PDS5A: variants seen among roughly 807,000 people sequenced by gnomAD.
PDS5A encodes the protein PDS5 cohesin associated factor A, also known as sister chromatid cohesion protein PDS5 homolog A.
PDS5A carries 42 observed loss-of-function variants against 167.1 expected under a neutral mutation model. The observed-to-expected ratio is 0.25, with a 90% CI of 0.20 to 0.33. The LOEUF is 0.33. PDS5A is among the 10% of genes least tolerant of loss of function. The pLI is 1.00. For missense variants in PDS5A, 1,033 were observed against 1,605.9 expected, an observed-to-expected ratio of 0.64 and a Z score of 6.10; for synonymous variants, 553 against 554.6, an observed-to-expected ratio of 1.00 and a Z score of 0.04.
intron 8 of PDS5A, among the ~76,000 whole-genome samples, chr4:39,915,834 C>G (rs890765423): frequency 5.3e-5 from 8 of 152,152 alleles, no homozygotes; most frequent in African/African-American, 1.9e-4. Context: ...TAGCAAGTAA[C>G]TGTTTTAGTA....
At chr4:39,850,626 C>T (rs772167240) in intron 26 of PDS5A, among the ~76,000 whole-genome samples, 4 of 152,086 alleles carry the variant, frequency 2.6e-5, no homozygotes, top group African/African-American at 4.8e-5. Context: ...GCAGTTCTGC[C>T]GAGAAACAAG....
chr4:39,879,664 C>T, intron 18 of PDS5A, 64 bp downstream of exon 18: 1 of 907,312 alleles, frequency 1.1e-6, no homozygotes, highest in Non-Finnish European at 1.8e-6. Context: ...TCTTGCATAT[C>T]CTGAAGGGAA....
chr4:39,860,234 C>T (rs1047279019), intron 26 of PDS5A, among the ~76,000 whole-genome samples: 2 of 152,054 alleles, frequency 1.3e-5, no homozygotes, highest in South Asian at 2.1e-4. Context: ...AAGGCCCAGG[C>T]GGGTGGATCA....
At position 39,842,909 on chromosome 4, in the gene PDS5A, T is replaced by TATATATATATATATATATATATA. The variant is rs1717167841; in HGVS notation, c.3549-854_3549-853insTATATATATATATATATATATAT. On this transcript the variant is annotated intron_variant, in intron 30 of 32. Coordinates refer to ENST00000303538, the MANE Select transcript of PDS5A (RefSeq NM_001100399.2). ...AGAACAATGTAAACTTATCCTATTT[T>TATATATATATATATATATATATA]TATATATATATATATATATATATAT... Among the ~76,000 whole-genome samples, 45 of 92,298 alleles carry TATATATATATATATATATATATA rather than the reference T, an allele frequency of 4.9e-4. 1 individual carries two copies. Among genetic ancestry groups the TATATATATATATATATATATATA allele is most frequent in the African/African-American group, 2.3e-3 (41 of 18,196 alleles). The allele number at this position is 92,298 out of a possible 152,430, so 60.6% of individuals were successfully genotyped here.
intron 2 of PDS5A, among the ~76,000 whole-genome samples, chr4:39,932,191 T>C (rs2109748000): frequency 6.6e-6 from 1 of 152,214 alleles, no homozygotes; most frequent in South Asian, 2.1e-4. Flanking sequence ...CCATGCCCAG[T>C]CCATGTGACT....
At chr4:39,967,191 A>C (rs1730055053) in intron 2 of PDS5A, among the ~76,000 whole-genome samples, 1 of 149,010 alleles carries the variant, frequency 6.7e-6, no homozygotes, top group Admixed American at 6.7e-5. Context: ...TGTAATCCCA[A>C]CTACTCAGGA....
At chr4:39,859,693 A>G (rs1294385099) in intron 26 of PDS5A, among the ~76,000 whole-genome samples, 1 of 152,160 alleles carries the variant, frequency 6.6e-6, no homozygotes, top group Non-Finnish European at 1.5e-5. Flanking sequence ...CCACTCGCAC[A>G]CAATTTCCCT....
In PDS5A at chr4:39,928,681, T is replaced by C. The variant is rs77723928; in HGVS notation, c.139-517A>G. Reference sequence around the variant, plus strand: ...CTCTACAAAAAATACAAAAACCAGCTGGGTATGGTAGCATGTGTCTGTAGT... The same window carrying C: ...CTCTACAAAAAATACAAAAACCAGCCGGGTATGGTAGCATGTGTCTGTAGT... On this transcript the variant is annotated intron_variant, in intron 2 of 32. Coordinates refer to ENST00000303538, the MANE Select transcript of PDS5A (RefSeq NM_001100399.2). 4.6e-3 allele frequency among the ~76,000 whole-genome samples: 706 copies of C among 152,000 alleles called. 8 individuals are homozygous for C. Among genetic ancestry groups the C allele is most frequent in the African/African-American group, 0.016 (666 of 41,466 alleles).
At chr4:39,938,839 G>T (rs892317887) in intron 2 of PDS5A, among the ~76,000 whole-genome samples, 4 of 151,500 alleles carry the variant, frequency 2.6e-5, no homozygotes, top group African/African-American at 9.7e-5. Flanking sequence ...GCGTGGTGGC[G>T]CATGCCTGTA....
At chr4:39,903,493 C>A (rs548395646) in intron 12 of PDS5A, among the ~76,000 whole-genome samples, 39 of 152,234 alleles carry the variant, frequency 2.6e-4, no homozygotes, top group African/African-American at 9.4e-4. Flanking sequence ...ATCATTTGTA[C>A]GATCCAATAT....
chr4:39,944,013 T>TA (rs960787604), intron 2 of PDS5A, among the ~76,000 whole-genome samples: 13 of 150,608 alleles, frequency 8.6e-5, no homozygotes, highest in African/African-American at 2.7e-4. Context: ...CCATCTCTAC[T>TA]AAAAAAACAA....
At position 39,895,959 on chromosome 4, in the gene PDS5A, C is replaced by T. The variant is rs547257581; in HGVS notation, c.1770+2430G>A. On this transcript the variant is annotated intron_variant, in intron 16 of 32. Coordinates refer to ENST00000303538, the MANE Select transcript of PDS5A (RefSeq NM_001100399.2). ...CAGGATGGTCTCGATCTCCCGACCT[C>T]ATGATCTGCCAACCTCGGCCTCCCA... Among the ~76,000 whole-genome samples the T allele has an allele frequency of 4.6e-5, 7 of 151,432 alleles. No individual in the cohort carries two copies. In the Middle Eastern group the frequency reaches 0.014, roughly 300 times the overall value.
intron 18 of PDS5A, among the ~76,000 whole-genome samples, chr4:39,878,508 A>G (rs1312642990): frequency 6.6e-6 from 1 of 151,836 alleles, no homozygotes; most frequent in Non-Finnish European, 1.5e-5. Flanking sequence ...GAGGCAGGAG[A>G]ATGGCGTGAA....
chr4:39,848,563 A>G lies in PDS5A; in HGVS notation c.3339+288T>C, dbSNP rs1055679248. On this transcript the variant is annotated intron_variant, in intron 28 of 32. Transcript: ENST00000303538. ...AGATTTAAAATTTTTCTTATCTGCA[A>G]AAATACTACCCATGTTTCAATAAAA... is the stretch of plus-strand genomic sequence containing the variant. 3 of 326,604 alleles carry G rather than the reference A, an allele frequency of 9.2e-6. No homozygotes were observed. In the South Asian group the frequency reaches 9.3e-5, roughly 10 times the overall value. 20.2% of individuals were successfully genotyped at this position (326,604 alleles called of 1,614,324 possible). A position where few individuals can be genotyped will look rare whatever the true frequency, so the allele number is the denominator to read the frequency against.
chr4:39,900,648 A>C (rs1448737016), intron 13 of PDS5A, 141 bp from the exon 14 acceptor site: 2 of 614,518 alleles, frequency 3.3e-6, no homozygotes, highest in Non-Finnish European at 5.8e-6. Context: ...AAATATATTT[A>C]TTAGGATTTA....
chr4:39,951,457 T>C (rs1420614056), intron 2 of PDS5A, among the ~76,000 whole-genome samples: 1 of 152,230 alleles, frequency 6.6e-6, no homozygotes, highest in African/African-American at 2.4e-5. Context: ...AGGAAACTAC[T>C]GTTACTTGCA....
At chr4:39,888,657 C>T (rs1721694897) in intron 17 of PDS5A, among the ~76,000 whole-genome samples, 1 of 149,390 alleles carries the variant, frequency 6.7e-6, no homozygotes, top group African/African-American at 2.5e-5. Flanking sequence ...GCAAATGGAG[C>T]TCATTATGTT....
At chr4:39,973,249 C>G in intron 2 of PDS5A, 4 of 1,491,350 alleles carry the variant, frequency 2.7e-6, no homozygotes, top group Non-Finnish European at 3.7e-6. Flanking sequence ...GACTCTCGAG[C>G]ATATGAACAT....
chr4:39,879,772 C>A lies in PDS5A; in HGVS notation c.1948G>T (p.Val650Leu), dbSNP rs752500232. ...EGTADDEEEG[V>L]SPDTAIRSGL... The stretch of plus-strand genomic sequence containing the variant: ...GAACGGATAGCTGTATCTGGACTTA[C>A]ACCCTCCTCTTCATCATCTGCTGTC... Residue 650 changes from valine to leucine, a missense_variant, in exon 18 of 33, where the codon GTA becomes TTA. Physicochemically the swap from Val to Leu is conservative, Grantham distance 32. Around this residue, in one of 4 missense-constraint regions of PDS5A, gnomAD observed 367 missense variants for 686.7 expected, o/e 0.53. Coordinates refer to ENST00000303538, the MANE Select transcript of PDS5A (RefSeq NM_001100399.2). 4 of 1,611,880 alleles carry A rather than the reference C, an allele frequency of 2.5e-6. No homozygotes were observed. In the Admixed American group the frequency reaches 6.7e-5, roughly 27 times the overall value.
Sources: allele counts gnomAD v4.1 joint callset (sites outside exome capture counted in the v4.1 genomes callset), GRCh38; gene constraint gnomAD v4.1.1; regional missense constraint gnomAD v4.1.1; transcripts MANE v1.5; gene names NCBI Gene and HGNC (gene_info 2026-07-23, HGNC 2026-07-21).